The following RBFOX3 variants were observed in gnomAD, a reference collection of about 807,000 sequenced individuals.
RBFOX3 encodes the protein RNA binding fox-1 homolog 3, also known as RNA binding protein fox-1 homolog 3.
RBFOX3 carries 17 observed loss-of-function variants against 48.7 expected under a neutral mutation model. The ratio of observed to expected loss-of-function variants is 0.35; its 90% CI spans 0.24 to 0.52. The LOEUF (loss-of-function observed/expected upper bound fraction) is 0.52, where lower values mean the gene tolerates loss of function less well. Ranked by LOEUF, RBFOX3 falls within the 20% of genes least tolerant of loss-of-function variation. RBFOX3 has a pLI of 0.94. For synonymous variants in RBFOX3, 212 were observed against 209.5 expected (o/e 1.01, Z -0.10); for missense variants, 382 against 497.5 (o/e 0.77, Z 2.21).
At chr17:79,507,121 C>A (rs1226741055) in intron 1 of RBFOX3, among the ~76,000 whole-genome samples, 7 of 152,160 alleles carry the variant, frequency 4.6e-5, no homozygotes, top group Admixed American at 1.3e-4. Flanking sequence ...GGCAGACCCC[C>A]GGGGGAGGCT....
the RBFOX3 span, among the ~76,000 whole-genome samples, chr17:79,632,639 C>T: frequency 6.6e-6 from 1 of 151,684 alleles, no homozygotes; most frequent in Non-Finnish European, 1.5e-5. Flanking sequence ...TACAGTGGCT[C>T]ACACCTGTAA....
intron 4 of RBFOX3, among the ~76,000 whole-genome samples, chr17:79,175,099 A>G (rs778472779): frequency 6.6e-6 from 1 of 151,816 alleles, no homozygotes; most frequent in Non-Finnish European, 1.5e-5. Flanking sequence ...GTGACACTCT[A>G]TCTCCCTTCC....
At chr17:79,280,919 C>T (rs2070314995) in intron 3 of RBFOX3, among the ~76,000 whole-genome samples, 1 of 151,904 alleles carries the variant, frequency 6.6e-6, no homozygotes, top group Admixed American at 6.6e-5. Flanking sequence ...TTAGAACATT[C>T]TGGGAAGAAC....
intron 2 of RBFOX3, among the ~76,000 whole-genome samples, chr17:79,340,896 AC>A (rs2081987599): frequency 6.6e-6 from 1 of 151,970 alleles, no homozygotes; most frequent in African/African-American, 2.4e-5. Flanking sequence ...CCCAAACACC[AC>A]CCCTTCCTGT....
intron 4 of RBFOX3, among the ~76,000 whole-genome samples, chr17:79,202,525 C>T (rs1348189032): frequency 6.6e-6 from 1 of 152,244 alleles, no homozygotes; most frequent in South Asian, 2.1e-4. Context: ...CTCACGAATT[C>T]TTACAACAAC....
At chr17:79,318,586 G>A (rs1190451101) in intron 2 of RBFOX3, among the ~76,000 whole-genome samples, 10 of 152,066 alleles carry the variant, frequency 6.6e-5, no homozygotes, top group Admixed American at 6.6e-4. Flanking sequence ...CACGTGCGGT[G>A]GCTCATGCCT....
intron 2 of RBFOX3, among the ~76,000 whole-genome samples, chr17:79,411,563 A>G (rs1429110513): frequency 6.6e-6 from 1 of 151,672 alleles, no homozygotes; most frequent in Non-Finnish European, 1.5e-5. Context: ...TTCCCCTTCC[A>G]TGCCCTCCCT....
intron 1 of RBFOX3, among the ~76,000 whole-genome samples, chr17:79,500,777 C>T (rs2082281230): frequency 6.6e-6 from 1 of 152,144 alleles, no homozygotes; most frequent in South Asian, 2.1e-4. Context: ...GCAGCCCCTG[C>T]CTGTTCCCTG....
intron 2 of RBFOX3, among the ~76,000 whole-genome samples, chr17:79,460,406 C>T (rs2075224347): frequency 6.6e-6 from 1 of 152,202 alleles, no homozygotes. Flanking sequence ...ACTCCCACCA[C>T]AGTCAGCTCC....
At chr17:79,104,039 G>GC in intron 7 of RBFOX3, 34 bp downstream of exon 7, 2 of 1,527,936 alleles carry the variant, frequency 1.3e-6, no homozygotes, top group Non-Finnish European at 1.8e-6. Context: ...CCTACAGCCG[G>GC]CGCTGTAAGG....
intron 2 of RBFOX3, among the ~76,000 whole-genome samples, chr17:79,442,252 A>G (rs1262486991): frequency 0.28 from 627 of 2,200 alleles, 90 homozygotes; most frequent in East Asian, 0.41. Flanking sequence ...AGAGAGAGAG[A>G]GAGAGAGAGA....
intron 2 of RBFOX3, among the ~76,000 whole-genome samples, chr17:79,381,396 C>G (rs2059902352): frequency 6.6e-6 from 1 of 151,352 alleles, no homozygotes; most frequent in Admixed American, 6.6e-5. Context: ...ACATGTTTTT[C>G]TTTGTACGGA....
intron 2 of RBFOX3, among the ~76,000 whole-genome samples, chr17:79,372,519 C>A (rs1223734581): frequency 6.6e-6 from 1 of 151,876 alleles, no homozygotes; most frequent in African/African-American, 2.4e-5. Context: ...AAGGCCAGGC[C>A]TGGCCCGGGC....
chr17:79,558,196 G>A (rs1030560529), intron 1 of RBFOX3, among the ~76,000 whole-genome samples: 9 of 152,178 alleles, frequency 5.9e-5, no homozygotes, highest in Non-Finnish European at 1.2e-4. Context: ...CCTCAGAGGA[G>A]CTGAGAGGGC....
chr17:79,280,992 GA>G (rs2070332542), intron 3 of RBFOX3, among the ~76,000 whole-genome samples: 1 of 152,208 alleles, frequency 6.6e-6, no homozygotes, highest in African/African-American at 2.4e-5. Context: ...GAGGACAGGG[GA>G]TACTGAAAGA....
intron 4 of RBFOX3, among the ~76,000 whole-genome samples, chr17:79,162,328 C>T (rs991498484): frequency 1.3e-5 from 2 of 152,204 alleles, no homozygotes; most frequent in Admixed American, 6.5e-5. Flanking sequence ...CCGGACGGAG[C>T]ATGGGGCCCA....
At chr17:79,110,361 A>AC (rs541387878) in intron 5 of RBFOX3, among the ~76,000 whole-genome samples, 130 of 151,896 alleles carry the variant, frequency 8.6e-4, no homozygotes, top group African/African-American at 2.9e-3. Context: ...AGGAGCCTGC[A>AC]CCCACTTTCG....
At chr17:79,244,760 T>TC (rs1162555186) in intron 3 of RBFOX3, among the ~76,000 whole-genome samples, 3 of 60,774 alleles carry the variant, frequency 4.9e-5, no homozygotes, top group South Asian at 6.0e-4. Flanking sequence ...CTTCCTTCCT[T>TC]TTCTTCCTTC....
At chr17:79,108,330 C>T (rs973553387) in intron 5 of RBFOX3, among the ~76,000 whole-genome samples, 19 of 152,206 alleles carry the variant, frequency 1.2e-4, no homozygotes, top group Middle Eastern at 3.2e-3. Context: ...GTGTGGCCTG[C>T]GGAGCAGAGG....
Sources: gnomAD v4.1 joint callset for allele counts (sites outside exome capture counted in the v4.1 genomes callset) on GRCh38, gnomAD v4.1.1 for gene constraint, MANE v1.5 for transcripts, NCBI Gene and HGNC (gene_info 2026-07-23, HGNC 2026-07-21) for gene names.